ACTR3C: variants seen among roughly 807,000 people sequenced by gnomAD.
ACTR3C encodes actin-related protein 3C.
ACTR3C carries 18 observed loss-of-function variants against 26.3 expected under a neutral mutation model. The observed-to-expected ratio is 0.68, with a 90% confidence interval of 0.47 to 1.01. The LOEUF is 1.01. Among genes scored for constraint, ACTR3C ranks in the 50% least tolerant of loss-of-function variants. The pLI, the probability that ACTR3C is intolerant of heterozygous loss-of-function variation, is 0.00. For synonymous variants in ACTR3C, 55 were observed against 94.5 expected (o/e 0.58, Z 2.42); for missense variants, 184 against 250.7 (o/e 0.73, Z 1.80).
At chr7:150,066,639 A>T in the ACTR3C span, among the ~76,000 whole-genome samples, 1 of 152,198 alleles carries the variant, frequency 6.6e-6, no homozygotes, top group South Asian at 2.1e-4. Context: ...TATTACTAGA[A>T]TAGTGGCATT....
the ACTR3C span, among the ~76,000 whole-genome samples, chr7:150,082,947 C>CTTTTTTTTTTTTTTTTTTTTTTTTTTTT: frequency 2.8e-5 from 3 of 108,548 alleles, no homozygotes; most frequent in African/African-American, 7.2e-5. Flanking sequence ...TTTTTTTTTT[C>CTTTTTTTTTTTTTTTTTTTTTTTTTTTT]TTTTTTTTTT....
chr7:150,028,792 TC>T, the ACTR3C span, among the ~76,000 whole-genome samples: 1 of 152,274 alleles, frequency 6.6e-6, no homozygotes, highest in African/African-American at 2.4e-5. Flanking sequence ...AAAGCCACCC[TC>T]CCTGCAGACA....
chr7:150,181,816 AC>A, the ACTR3C span, among the ~76,000 whole-genome samples: 2 of 150,654 alleles, frequency 1.3e-5, 1 homozygote, highest in African/African-American at 5.0e-5. Context: ...GGATGAGATT[AC>A]CCCTACAAAA....
the ACTR3C span, among the ~76,000 whole-genome samples, chr7:150,232,903 A>G: frequency 6.6e-6 from 1 of 152,122 alleles, no homozygotes; most frequent in Non-Finnish European, 1.5e-5. Flanking sequence ...CTCCACCTTT[A>G]AATGACACTA....
chr7:149,939,058 G>A, the ACTR3C span, among the ~76,000 whole-genome samples: 25 of 151,638 alleles, frequency 1.6e-4, no homozygotes, highest in South Asian at 3.7e-3. Flanking sequence ...TCAGCTCACC[G>A]CAACCTCCGC....
chr7:150,056,511 A>G, the ACTR3C span, among the ~76,000 whole-genome samples: 132 of 152,364 alleles, frequency 8.7e-4, no homozygotes, highest in Non-Finnish European at 1.4e-3. Flanking sequence ...TTGGTAATCA[A>G]AAAAGTAATT....
the ACTR3C span, among the ~76,000 whole-genome samples, chr7:149,966,497 AGT>A: frequency 2.0e-5 from 3 of 152,222 alleles, no homozygotes; most frequent in Non-Finnish European, 4.4e-5. Flanking sequence ...TTCCAAGTTA[AGT>A]GAGAGCATTC....
chr7:150,304,938 G>C (rs1201776687), intron 1 of ACTR3C, among the ~76,000 whole-genome samples: 1 of 152,180 alleles, frequency 6.6e-6, no homozygotes, highest in Non-Finnish European at 1.5e-5. Flanking sequence ...GCTCCTTAAC[G>C]AGTACTGGCT....
At chr7:150,019,887 A>C in the ACTR3C span, among the ~76,000 whole-genome samples, 8 of 152,208 alleles carry the variant, frequency 5.3e-5, no homozygotes, top group South Asian at 1.7e-3. Context: ...ACTTCAGTAC[A>C]TAATGATACT....
At chr7:150,250,059 G>A (rs1832723794) in intron 6 of ACTR3C, among the ~76,000 whole-genome samples, 1 of 152,060 alleles carries the variant, frequency 6.6e-6, no homozygotes, top group Non-Finnish European at 1.5e-5. Context: ...GCGGATGAGG[G>A]GTGGCTGGAG....
At chr7:150,038,074 C>T in the ACTR3C span, among the ~76,000 whole-genome samples, 12 of 140,274 alleles carry the variant, frequency 8.6e-5, 3 homozygotes, top group East Asian at 4.1e-4. Flanking sequence ...GTCCCCACCT[C>T]GCGGGGGGTG....
At chr7:149,996,094 T>C in the ACTR3C span, among the ~76,000 whole-genome samples, 1 of 152,256 alleles carries the variant, frequency 6.6e-6, no homozygotes, top group South Asian at 2.1e-4. Flanking sequence ...TGGAAAGGCA[T>C]GTTGGGACCA....
intron 1 of ACTR3C, among the ~76,000 whole-genome samples, chr7:150,322,280 TAGG>T (rs1797601952): frequency 6.6e-6 from 1 of 152,202 alleles, no homozygotes; most frequent in South Asian, 2.1e-4. Flanking sequence ...GCTGCATTCA[TAGG>T]AGGTTAGGCA....
At chr7:150,320,193 G>A (rs532762164) in intron 1 of ACTR3C, among the ~76,000 whole-genome samples, 2 of 152,328 alleles carry the variant, frequency 1.3e-5, no homozygotes, top group Non-Finnish European at 2.9e-5. Context: ...AAGAATTTAG[G>A]GTGAGTCGCA....
intron 6 of ACTR3C, among the ~76,000 whole-genome samples, chr7:150,255,153 G>A (rs111436525): frequency 7.3e-5 from 11 of 150,898 alleles, no homozygotes. Flanking sequence ...ATTCCCTGTA[G>A]ATTGCGTGTT....
chr7:150,072,000 G>A, the ACTR3C span, among the ~76,000 whole-genome samples: 440 of 146,586 alleles, frequency 3.0e-3, 24 homozygotes, highest in African/African-American at 0.01. Flanking sequence ...AAGGAGAGGG[G>A]AAAGGAGGAA....
chr7:150,227,688 G>GTTTTTTTTTTTTTTTTTT, the ACTR3C span, among the ~76,000 whole-genome samples: 43 of 111,364 alleles, frequency 3.9e-4, no homozygotes, highest in African/African-American at 8.8e-4. Context: ...TTGTGTCTGG[G>GTTTTTTTTTTTTTTTTTT]TTTTTTTTTT....
At chr7:150,018,766 A>G in the ACTR3C span, among the ~76,000 whole-genome samples, 1 of 150,426 alleles carries the variant, frequency 6.6e-6, no homozygotes, top group Non-Finnish European at 1.5e-5. Flanking sequence ...CAACTTTGTC[A>G]CTAAATGAGC....
the ACTR3C span, among the ~76,000 whole-genome samples, chr7:150,034,076 G>A: frequency 4.0e-5 from 6 of 151,706 alleles, no homozygotes; most frequent in Admixed American, 2.0e-4. Flanking sequence ...CTCGCGGGGG[G>A]TGCCTCCCAC....
Sources: allele counts gnomAD v4.1 joint callset (sites outside exome capture counted in the v4.1 genomes callset), GRCh38; gene constraint gnomAD v4.1.1; transcripts MANE v1.5; gene names NCBI Gene and HGNC (gene_info 2026-07-23, HGNC 2026-07-21).